Variants in AEN observed in about 807,000 individuals in gnomAD.
The protein encoded by AEN is apoptosis-enhancing nuclease.
AEN carries 21 observed loss-of-function variants against 17.7 expected under a neutral mutation model. That is an observed-to-expected ratio of 1.19 (90% CI 0.84 to 1.71). The LOEUF (loss-of-function observed/expected upper bound fraction) is 1.71, where lower values mean the gene tolerates loss of function less well. Ranked by LOEUF, AEN falls within the 40% of genes most tolerant of loss-of-function variation. AEN has a pLI of 0.00. For missense variants in AEN, 462 were observed against 435.9 expected (o/e 1.06, Z -0.53); for synonymous variants, 190 against 173.0 (o/e 1.10, Z -0.77).
At chr15:88,627,866 T>A (rs1336270203) in intron 2 of AEN, 2 of 152,236 alleles carry the variant, frequency 1.3e-5, no homozygotes, top group East Asian at 3.9e-4. Context: ...TTGAGACAAA[T>A]CTGCATTTTC....
the AEN span, chr15:88,608,145 G>A: frequency 1.9e-6 from 1 of 531,884 alleles, no homozygotes; most frequent in Non-Finnish European, 3.9e-6. Flanking sequence ...TGGTTGGTGT[G>A]TATTGCCTTG....
chr15:88,617,436 A>G (rs2057747338), upstream of AEN, among the ~76,000 whole-genome samples: 1 of 152,178 alleles, frequency 6.6e-6, no homozygotes, highest in Admixed American at 6.5e-5. Context: ...GTGTTTTAGT[A>G]GAGACAGGAT....
At chr15:88,610,493 C>A in the AEN span, among the ~76,000 whole-genome samples, 1 of 152,096 alleles carries the variant, frequency 6.6e-6, no homozygotes, top group African/African-American at 2.4e-5. Flanking sequence ...CTCTCCCTTA[C>A]ATCTTCCACA....
At position 88,630,270 on chromosome 15, in the gene AEN, G is replaced by A. The variant is rs199947151; in HGVS notation, c.954G>A (p.Arg318=). The change falls in exon 4 of 4, where the codon AGG becomes AGA. Residue 318 remains arginine (R), a synonymous_variant. Transcript: ENST00000332810. This position sits in a 1 kb window ranked among gnomAD's most constrained non-coding sequence, Gnocchi z 5.1. ...CCCACGGCAGCAGAGGAGGAGCCAG[G>A]GAGGCACAGGACAGAAGGAATTGAG... ...DLAHGSRGGA[R]EAQDRRN The A allele has an allele frequency of 7.6e-6, 12 of 1,587,370 alleles. No homozygotes were observed. The East Asian group carries it at 2.5e-4, about 33-fold the overall frequency.
rs2141371520 is a variant in AEN at position 88,626,157 on chromosome 15, A to G, written c.-53A>G. ...TGTTCTCTCTTCAGGCTGCTGCCCC[A>G]TTGGAAGATTACTCCCCAGGCTTCC... On this transcript the variant is annotated 5_prime_UTR_variant, in exon 2 of 4. Transcript: ENST00000332810. The G allele has an allele frequency of 3.3e-6, 5 of 1,515,490 alleles. No homozygotes were observed. The highest frequency in any genetic ancestry group is 4.4e-6 in the Non-Finnish European group (5 of 1,135,870). The allele number at this position is 1,515,490 out of a possible 1,614,324, so 93.9% of individuals were successfully genotyped here.
At chr15:88,611,763 C>T in the AEN span, 1 of 396,942 alleles carries the variant, frequency 2.5e-6, no homozygotes. Flanking sequence ...GAAGGAGCAT[C>T]CAGACCGCTG....
At chr15:88,622,935 T>G (rs16942093) in intron 1 of AEN, among the ~76,000 whole-genome samples, 2 of 152,226 alleles carry the variant, frequency 1.3e-5, no homozygotes, top group East Asian at 3.8e-4. Context: ...CTTTCCTCTC[T>G]TGAAATAGGA....
chr15:88,612,625 C>G, the AEN span, among the ~76,000 whole-genome samples: 38 of 143,164 alleles, frequency 2.7e-4, 1 homozygote, highest in Admixed American at 8.6e-4. Context: ...ATTTTTGAGA[C>G]AGAGTCTCAC....
At chr15:88,619,625 T>C (rs2057765359), upstream of AEN, among the ~76,000 whole-genome samples, 1 of 152,174 alleles carries the variant, frequency 6.6e-6, no homozygotes, top group African/African-American at 2.4e-5. Context: ...GAGGCACATG[T>C]TGCAGTGAGC....
chr15:88,631,835 C>T lies in AEN; in HGVS notation c.*1541C>T, dbSNP rs1361089008. On this transcript the variant is annotated 3_prime_UTR_variant, in exon 4 of 4. Coordinates refer to ENST00000332810, the MANE Select transcript of AEN (RefSeq NM_022767.4). ...CACAGCAGCAAGGTTCACGGATATC[C>T]GTGTGTCTTGTCTGTGGCCACCAGG... 3 of 152,376 alleles carry T rather than the reference C, an allele frequency of 2.0e-5. No individual in the cohort carries two copies. Among genetic ancestry groups the T allele is most frequent in the Admixed American group, 6.5e-5 (1 of 15,298 alleles). The allele number at this position is 152,376 out of a possible 1,614,324, so 9.4% of individuals were successfully genotyped here.
chr15:88,608,759 T>C, the AEN span, among the ~76,000 whole-genome samples: 1 of 152,238 alleles, frequency 6.6e-6, no homozygotes, highest in African/African-American at 2.4e-5. Flanking sequence ...CAGTGACAAA[T>C]AGAAAAGCTG....
In AEN at chr15:88,629,415, A is replaced by C. The variant is rs1249197720; in HGVS notation, c.730A>C (p.Lys244Gln). Residue 244 changes from lysine (K) to glutamine (Q), a missense_variant, in exon 3 of 4, where the codon AAG becomes CAG. Lys to Gln is a moderately conservative substitution (Grantham distance 53). Coordinates refer to ENST00000332810, the MANE Select transcript of AEN (RefSeq NM_022767.4). ...LKDLALQLLH[K>Q]KIQVGQHGHS... ...GGACCTGGCCCTGCAGCTGCTGCACAAGAAGATCCAGGTGCGTGGTGGGAG... is the reference window on the plus strand; with the variant it reads ...GGACCTGGCCCTGCAGCTGCTGCACCAGAAGATCCAGGTGCGTGGTGGGAG... 6.2e-7 allele frequency: 1 copy of C among 1,613,674 alleles called. No individual in the cohort carries two copies. Among genetic ancestry groups the C allele is most frequent in the South Asian group, 1.1e-5 (1 of 91,070 alleles).
chr15:88,617,548 C>T (rs1275504105), upstream of AEN, among the ~76,000 whole-genome samples: 2 of 152,148 alleles, frequency 1.3e-5, no homozygotes, highest in Non-Finnish European at 2.9e-5. Flanking sequence ...CCACAGCGCC[C>T]GGCCTTCATT....
chr15:88,622,674 A>C (rs1434683142), intron 1 of AEN, among the ~76,000 whole-genome samples: 1 of 152,196 alleles, frequency 6.6e-6, no homozygotes, highest in Non-Finnish European at 1.5e-5. Context: ...CAATGTCTGA[A>C]ATCTATGGAT....
At position 88,631,828 on chromosome 15, in the gene AEN, G is replaced by A. The variant is rs1220000880; in HGVS notation, c.*1534G>A. 1 of 152,462 alleles carries A rather than the reference G, an allele frequency of 6.6e-6. No homozygotes were observed. Among genetic ancestry groups the A allele is most frequent in the Non-Finnish European group, 1.5e-5 (1 of 68,254 alleles). The allele number at this position is 152,462 out of a possible 1,614,324, so 9.4% of individuals were successfully genotyped here. A position where few individuals can be genotyped will look rare whatever the true frequency, so the allele number is the denominator to read the frequency against. ...GTGAGGGCACAGCAGCAAGGTTCAC[G>A]GATATCCGTGTGTCTTGTCTGTGGC... On this transcript the variant is annotated 3_prime_UTR_variant, in exon 4 of 4. Coordinates refer to ENST00000332810, the MANE Select transcript of AEN (RefSeq NM_022767.4).
upstream of AEN, among the ~76,000 whole-genome samples, chr15:88,617,583 T>G (rs576386848): frequency 6.6e-6 from 1 of 152,234 alleles, no homozygotes; most frequent in South Asian, 2.1e-4. Flanking sequence ...AAAAACTATT[T>G]ATGACAATGT....
chr15:88,626,182 C>T lies in AEN; in HGVS notation c.-28C>T, dbSNP rs989657628. The T allele has an allele frequency of 1.9e-6, 3 of 1,542,166 alleles. No homozygotes were observed. Among genetic ancestry groups the T allele is most frequent in the Non-Finnish European group, 2.6e-6 (3 of 1,145,874 alleles). On this transcript the variant is annotated 5_prime_UTR_variant, in exon 2 of 4. Transcript: ENST00000332810. Reference sequence around the variant, plus strand: ...ATTGGAAGATTACTCCCCAGGCTTCCCTTGCCCCAAGCAGTGAGCTGACTG... The same window carrying T: ...ATTGGAAGATTACTCCCCAGGCTTCTCTTGCCCCAAGCAGTGAGCTGACTG...
chr15:88,622,864 T>A (rs991750082), intron 1 of AEN, among the ~76,000 whole-genome samples: 3 of 152,188 alleles, frequency 2.0e-5, no homozygotes, highest in African/African-American at 7.2e-5. Flanking sequence ...CAGAACAATA[T>A]GAGGGGGAGG....
chr15:88,608,967 G>C, the AEN span, among the ~76,000 whole-genome samples: 1 of 152,120 alleles, frequency 6.6e-6, no homozygotes, highest in Non-Finnish European at 1.5e-5. Context: ...TGCTGGCATT[G>C]GTCCCCACTT....
Sources: allele counts gnomAD v4.1 joint callset (sites outside exome capture counted in the v4.1 genomes callset), GRCh38; gene constraint gnomAD v4.1.1; non-coding constraint Gnocchi (gnomAD v3.1); transcripts MANE v1.5; gene names NCBI Gene and HGNC (gene_info 2026-07-23, HGNC 2026-07-21).